Variants in RHPN2 observed in about 807,000 individuals in gnomAD.
The protein encoded by RHPN2 is rhophilin-2.
In RHPN2, 40 loss-of-function variants were observed where a neutral mutation model predicts 79.0. That is an observed-to-expected ratio of 0.51 (90% CI 0.39 to 0.66). RHPN2 has a LOEUF of 0.66. Ranked by LOEUF, RHPN2 falls within the 30% of genes least tolerant of loss-of-function variation. The pLI, the probability that RHPN2 is intolerant of heterozygous loss-of-function variation, is 0.00. For missense variants in RHPN2, 686 were observed against 883.5 expected (o/e 0.78, Z 2.83); for synonymous variants, 285 against 363.5 (o/e 0.78, Z 2.46).
chr19:33,025,849 AT>A (rs1473497069), intron 3 of RHPN2, among the ~76,000 whole-genome samples: 1 of 152,204 alleles, frequency 6.6e-6, no homozygotes, highest in East Asian at 1.9e-4. Context: ...TATCTTGCTA[AT>A]GTTTGCGTGT....
chr19:33,024,591 A>G (rs1365410090), intron 3 of RHPN2, among the ~76,000 whole-genome samples: 1 of 152,180 alleles, frequency 6.6e-6, no homozygotes, highest in Non-Finnish European at 1.5e-5. Context: ...GACCAGCACC[A>G]GGAAACACAC....
chr19:33,013,202 CAAAAAACAAA>C (rs1971851003), intron 4 of RHPN2, among the ~76,000 whole-genome samples: 1 of 74,594 alleles, frequency 1.3e-5, no homozygotes, highest in Non-Finnish European at 2.4e-5. Flanking sequence ...AAAACAAAAA[CAAAAAACAAA>C]AAACAGAGTT....
intron 1 of RHPN2, chr19:33,051,446 G>C (rs1165339819): frequency 6.5e-6 from 1 of 152,764 alleles, no homozygotes; most frequent in African/African-American, 2.4e-5. Flanking sequence ...CGTTACTAGA[G>C]AAGTTTCTCT....
intron 11 of RHPN2, among the ~76,000 whole-genome samples, chr19:32,995,051 G>A (rs910056875): frequency 4.6e-5 from 7 of 152,072 alleles, no homozygotes; most frequent in African/African-American, 1.4e-4. Context: ...ACACAGTCCT[G>A]GGATACCGTG....
At chr19:33,027,124 G>A (rs868300391) in intron 2 of RHPN2, 2 of 253,852 alleles carry the variant, frequency 7.9e-6, no homozygotes, top group East Asian at 1.8e-4. Flanking sequence ...GCTGGGTGTG[G>A]TGGTGCATGC....
chr19:33,010,229 T>G (rs1234519072), intron 6 of RHPN2, among the ~76,000 whole-genome samples: 2 of 152,154 alleles, frequency 1.3e-5, no homozygotes, highest in Non-Finnish European at 1.5e-5. Flanking sequence ...TTTCCTTTGC[T>G]TTCCATGAGG....
chr19:33,024,381 C>T (rs1187235669), intron 3 of RHPN2, among the ~76,000 whole-genome samples: 2 of 152,020 alleles, frequency 1.3e-5, no homozygotes, highest in Non-Finnish European at 1.5e-5. Flanking sequence ...TGCGGTGAGC[C>T]GAGATCATGC....
intron 4 of RHPN2, among the ~76,000 whole-genome samples, chr19:33,012,939 A>G (rs968743407): frequency 6.6e-6 from 1 of 151,866 alleles, no homozygotes; most frequent in African/African-American, 2.4e-5. Context: ...GCAGTGGCAC[A>G]ATCTCGGCTC....
intron 2 of RHPN2, chr19:33,027,017 G>A (rs79812655): frequency 1.8e-5 from 6 of 325,776 alleles, no homozygotes; most frequent in Admixed American, 1.6e-4. Context: ...AGCACTCTGG[G>A]AGGCCGAGGC....
Position 33,002,314 on chromosome 19 carries a change from G to T in RHPN2, c.1038C>A (p.Cys346Ter). Reference sequence around the variant, plus strand: ...GGGCCGCGTAGTGGTGGGCCTTCACGCAGGCTAAGCTGGCCCAGGAGTAGG... The same window carrying T: ...GGGCCGCGTAGTGGTGGGCCTTCACTCAGGCTAAGCTGGCCCAGGAGTAGG... Reference protein sequence around the residue: ...NIPYSWASLACVKAHHYAALA... With the variant: ...NIPYSWASLA Residue 346 changes from cysteine to a stop codon, truncating the protein, a stop_gained, in exon 9 of 15, where the codon TGC becomes TGA. Transcript: ENST00000254260. LOFTEE classifies it high-confidence loss of function. 3 of 1,613,920 alleles carry T rather than the reference G, an allele frequency of 1.9e-6. No individual in the cohort carries two copies. Among genetic ancestry groups the T allele is most frequent in the Non-Finnish European group, 2.5e-6 (3 of 1,179,876 alleles).
At chr19:33,033,439 G>A (rs368145300) in intron 2 of RHPN2, among the ~76,000 whole-genome samples, 32 of 152,154 alleles carry the variant, frequency 2.1e-4, no homozygotes, top group African/African-American at 6.0e-4. Context: ...GGGGGCACAC[G>A]CCTGTACTCT....
intron 12 of RHPN2, among the ~76,000 whole-genome samples, chr19:32,993,379 C>T (rs1162619000): frequency 6.6e-6 from 1 of 152,070 alleles, no homozygotes; most frequent in Non-Finnish European, 1.5e-5. Context: ...GAGGCTGAAG[C>T]TGGAGAATCA....
At chr19:32,996,436 C>T (rs1349264838) in intron 10 of RHPN2, 3 of 617,214 alleles carry the variant, frequency 4.9e-6, no homozygotes, top group East Asian at 2.8e-5. Context: ...TTGCAGCCCC[C>T]ACTTATCCCC....
At chr19:32,999,386 T>C (rs1157301634) in intron 10 of RHPN2, among the ~76,000 whole-genome samples, 200 bp downstream of exon 10, 1 of 152,098 alleles carries the variant, frequency 6.6e-6, no homozygotes, top group Non-Finnish European at 1.5e-5. Context: ...CTGGGTGCTA[T>C]GGAACCCATG....
chr19:33,049,264 T>A (rs1225320000), intron 1 of RHPN2, among the ~76,000 whole-genome samples: 2 of 152,192 alleles, frequency 1.3e-5, no homozygotes, highest in Non-Finnish European at 2.9e-5. Context: ...ATTGGCCATC[T>A]ACTAGCCCCT....
chr19:33,007,487 CATAAATAAATAAATAAATAA>C lies in RHPN2; in HGVS notation c.760+507_760+526del, dbSNP rs58950332. ...GTGCAACAAGAGCAAAACTCCATCT[CATAAATAAATAAATAAATAA>C]ATAAATAAATAAATAAATAAAGGCA... On this transcript the variant is annotated intron_variant, in intron 7 of 14. Transcript: ENST00000254260. 1.9e-4 allele frequency among the ~76,000 whole-genome samples: 28 copies of C among 148,206 alleles called. No individual in the cohort carries two copies. In the East Asian group the frequency reaches 3.2e-3, roughly 17 times the overall value.
intron 4 of RHPN2, among the ~76,000 whole-genome samples, chr19:33,016,650 C>T (rs377021241): frequency 6.6e-6 from 1 of 152,112 alleles, no homozygotes; most frequent in East Asian, 1.9e-4. Flanking sequence ...CACTGCACTC[C>T]AGCCTGGGCA....
intron 1 of RHPN2, among the ~76,000 whole-genome samples, chr19:33,056,993 G>T (rs761158964): frequency 6.6e-6 from 1 of 151,594 alleles, no homozygotes; most frequent in East Asian, 1.9e-4. Flanking sequence ...GGTGGCGGTC[G>T]CCTGTAGTCC....
At chr19:33,012,790 A>G (rs1262537754) in intron 4 of RHPN2, 66 bp from the exon 5 acceptor site, 1 of 890,226 alleles carries the variant, frequency 1.1e-6, no homozygotes, top group Non-Finnish European at 1.9e-6. Flanking sequence ...CATAATAGTA[A>G]TATGTCAATT....
Sources: allele counts gnomAD v4.1 joint callset (sites outside exome capture counted in the v4.1 genomes callset), GRCh38; gene constraint gnomAD v4.1.1; transcripts MANE v1.5; gene names NCBI Gene and HGNC (gene_info 2026-07-23, HGNC 2026-07-21).